KIF27: variants seen among roughly 807,000 people sequenced by gnomAD.
The protein encoded by KIF27 is kinesin family member 27, also known as kinesin-like protein KIF27.
Under a neutral mutation model 141.8 loss-of-function variants are expected in KIF27, and 84 were observed. The observed-to-expected ratio is 0.59, with a 90% CI of 0.50 to 0.71. The LOEUF is 0.71. KIF27 is among the 30% of genes least tolerant of loss of function. The pLI, the probability that KIF27 is intolerant of heterozygous loss-of-function variation, is 0.00. For synonymous variants in KIF27, 471 were observed against 569.5 expected (o/e 0.83, Z 2.46); for missense variants, 1,306 against 1,628.4 (o/e 0.80, Z 3.41).
In KIF27 at chr9:83,903,777, T is replaced by C. The variant is rs1441157970; in HGVS notation, c.741A>G (p.Gly247=). 1.2e-6 allele frequency: 2 copies of C among 1,614,230 alleles called. No individual in the cohort carries two copies. The highest frequency in any genetic ancestry group is 1.7e-6 in the Non-Finnish European group (2 of 1,180,038). The change falls in exon 4 of 18, where the codon GGA becomes GGG. Residue 247 remains glycine (G), a synonymous_variant. Transcript: ENST00000297814. The stretch of plus-strand genomic sequence containing the variant: ...TCCCCGTTTTGGTTACTCTTTCTGA[T>C]CCTGCCAAATCCACAAAGTGGAACT... ...VSKFHFVDLA[G]SERVTKTGNT...
chr9:83,894,609 G>C (rs1392380631), intron 5 of KIF27, among the ~76,000 whole-genome samples: 5 of 152,118 alleles, frequency 3.3e-5, no homozygotes, highest in African/African-American at 1.2e-4. Flanking sequence ...TAACCCATAG[G>C]CACTGAGTCT....
intron 17 of KIF27, among the ~76,000 whole-genome samples, chr9:83,839,508 T>A (rs1303934743): frequency 1.3e-5 from 2 of 152,232 alleles, no homozygotes; most frequent in African/African-American, 4.8e-5. Flanking sequence ...AAAACTGATT[T>A]TATCCTCATG....
chr9:83,867,920 T>G, intron 12 of KIF27, 60 bp from the exon 13 acceptor site: 1 of 1,453,564 alleles, frequency 6.9e-7, no homozygotes, highest in Non-Finnish European at 9.2e-7. Context: ...AATTATATGG[T>G]AATAATAGAA....
intron 13 of KIF27, among the ~76,000 whole-genome samples, chr9:83,864,927 T>C (rs1950233334): frequency 1.3e-5 from 2 of 152,354 alleles, no homozygotes; most frequent in South Asian, 4.1e-4. Flanking sequence ...TACCATTATG[T>C]AATGGCCTTC....
chr9:83,848,229 A>C (rs1385157507), intron 16 of KIF27, among the ~76,000 whole-genome samples: 1 of 91,692 alleles, frequency 1.1e-5, no homozygotes, highest in East Asian at 3.0e-4. Context: ...TATATCAGAT[A>C]TGATATATAT....
rs1442446188 is a variant in KIF27 at position 83,903,616 on chromosome 9, AGCCGG to A, written c.897_901del (p.Arg300SerfsTer10). 6.2e-7 allele frequency: 1 copy of A among 1,614,042 alleles called. No individual in the cohort carries two copies. Among genetic ancestry groups the A allele is most frequent in the Non-Finnish European group, 8.5e-7 (1 of 1,180,024 alleles). On this transcript the variant is annotated frameshift_variant, in exon 4 of 18. Coordinates refer to ENST00000297814, the MANE Select transcript of KIF27 (RefSeq NM_017576.4). LOFTEE classifies it high-confidence loss of function. The stretch of plus-strand genomic sequence containing the variant: ...ACTGCCTCCCAGAGAATCTTTCAGA[AGCCGG>A]GTAATTTTAGCATCCCTATATGGAA...
chr9:83,848,790 CA>C (rs1434532232), intron 16 of KIF27: 1 of 151,254 alleles, frequency 6.6e-6, no homozygotes, highest in Non-Finnish European at 1.5e-5. Context: ...ACAATTTGTA[CA>C]GCTATAGAAA....
chr9:83,915,500 A>G lies in KIF27; in HGVS notation c.92T>C (p.Ile31Thr). ...LHNHQVCVRV[I>T]PNSQQVIIGR... ...AATGATAACTTGCTGGCTGTTTGGAATAACTCTCACACAAACTTGATGATT... is the reference window on the plus strand; with the variant it reads ...AATGATAACTTGCTGGCTGTTTGGAGTAACTCTCACACAAACTTGATGATT... The change falls in exon 2 of 18, where the codon ATT (isoleucine) becomes ACT (threonine). Residue 31 changes from isoleucine (I) to threonine (T), a missense_variant. Around this residue, in one of 4 missense-constraint regions of KIF27, gnomAD observed 533 missense variants for 565.6 expected, o/e 0.94. Transcript: ENST00000297814. The G allele has an allele frequency of 1.9e-6, 3 of 1,613,920 alleles. No individual in the cohort carries two copies. Among genetic ancestry groups the G allele is most frequent in the African/African-American group, 1.3e-5 (1 of 75,036 alleles).
intron 6 of KIF27, among the ~76,000 whole-genome samples, chr9:83,890,317 T>A (rs1952549458): frequency 6.6e-6 from 1 of 152,000 alleles, no homozygotes; most frequent in Admixed American, 6.6e-5. Context: ...TTAGGTGGCC[T>A]CCCAATGGGG....
chr9:83,904,761 T>C (rs559139052), intron 3 of KIF27, among the ~76,000 whole-genome samples: 1 of 152,252 alleles, frequency 6.6e-6, no homozygotes, highest in Non-Finnish European at 1.5e-5. Context: ...TTAAAAGGCA[T>C]TCGTTTTTTT....
intron 2 of KIF27, among the ~76,000 whole-genome samples, chr9:83,911,000 A>G (rs1955098803): frequency 6.6e-6 from 1 of 152,218 alleles, no homozygotes. Context: ...GATAGGTGAC[A>G]TAACATGCTA....
chr9:83,906,395 T>C (rs1310871206), intron 3 of KIF27, among the ~76,000 whole-genome samples: 4 of 152,148 alleles, frequency 2.6e-5, no homozygotes, highest in African/African-American at 9.7e-5. Flanking sequence ...TTCCCTCCTC[T>C]GGCAGGTTCT....
At chr9:83,860,841 A>G (rs1464116264) in intron 13 of KIF27, among the ~76,000 whole-genome samples, 3 of 150,396 alleles carry the variant, frequency 2.0e-5, no homozygotes, top group African/African-American at 7.3e-5. Flanking sequence ...ATTTTTGTGG[A>G]GCACATTCTC....
chr9:83,913,651 G>C (rs1424246435), intron 2 of KIF27, among the ~76,000 whole-genome samples: 3 of 152,156 alleles, frequency 2.0e-5, no homozygotes, highest in Non-Finnish European at 4.4e-5. Flanking sequence ...TGACCAGGCT[G>C]GTCTCAAACT....
At chr9:83,849,899 G>A (rs1948339335) in intron 16 of KIF27, among the ~76,000 whole-genome samples, 200 bp downstream of exon 16, 1 of 152,172 alleles carries the variant, frequency 6.6e-6, no homozygotes, top group South Asian at 2.1e-4. Flanking sequence ...CAGAAGGGAT[G>A]GCATTCCAAG....
intron 11 of KIF27, among the ~76,000 whole-genome samples, chr9:83,876,894 A>T (rs146152007): frequency 5.3e-5 from 8 of 152,310 alleles, no homozygotes; most frequent in African/African-American, 1.7e-4. Flanking sequence ...TGGGAAATAT[A>T]GCAAGACACT....
intron 2 of KIF27, among the ~76,000 whole-genome samples, chr9:83,910,079 A>ATACG (rs1954989857): frequency 6.6e-6 from 1 of 151,790 alleles, no homozygotes; most frequent in Non-Finnish European, 1.5e-5. Context: ...ACATACATAC[A>ATACG]TACATACGTA....
chr9:83,902,872 A>C (rs1954073462), intron 4 of KIF27, among the ~76,000 whole-genome samples, 188 bp downstream of exon 4: 1 of 152,092 alleles, frequency 6.6e-6, no homozygotes, highest in Non-Finnish European at 1.5e-5. Flanking sequence ...TCCATATATA[A>C]ATCATTTTTT....
At position 83,859,347 on chromosome 9, in the gene KIF27, T is replaced by C. The variant is rs79324787; in HGVS notation, c.2959A>G (p.Ile987Val). 689 of 1,612,438 alleles carry C rather than the reference T, an allele frequency of 4.3e-4. No individual in the cohort carries two copies. Among genetic ancestry groups the C allele is most frequent in the African/African-American group, 2.8e-3 (210 of 73,904 alleles). ...TCCAGTAAGTTCAGGCGAGTTGATA[T>C]TTTCAAACTATCTGTGTTTAAGGCC... ...SQALNTDSLK[I>V]STRLNLLEQE... The change falls in exon 14 of 18, where the codon ATA becomes GTA. Residue 987 changes from isoleucine to valine, a missense_variant. Coordinates refer to ENST00000297814, the MANE Select transcript of KIF27 (RefSeq NM_017576.4).
Sources: gnomAD v4.1 joint callset for allele counts (sites outside exome capture counted in the v4.1 genomes callset) on GRCh38, gnomAD v4.1.1 for gene constraint, gnomAD v4.1.1 regional missense constraint, MANE v1.5 for transcripts, NCBI Gene and HGNC (gene_info 2026-07-23, HGNC 2026-07-21) for gene names.